The following PIEZO2 variants were observed in gnomAD, a reference collection of about 807,000 sequenced individuals.
The protein encoded by PIEZO2 is piezo-type mechanosensitive ion channel component 2.
PIEZO2 carries 172 observed loss-of-function variants against 337.3 expected under a neutral mutation model. The observed-to-expected ratio is 0.51, with a 90% CI of 0.45 to 0.58. The LOEUF (loss-of-function observed/expected upper bound fraction) is 0.58. PIEZO2 is among the 20% of genes least tolerant of loss of function. The pLI, the probability that PIEZO2 is intolerant of heterozygous loss-of-function variation, is 0.00. For synonymous variants in PIEZO2, 1,251 were observed against 1,228.5 expected (o/e 1.02, Z -0.38); for missense variants, 3,028 against 3,391.3 (o/e 0.89, Z 2.66).
At chr18:10,687,919 G>C (rs1336298623) in intron 49 of PIEZO2, among the ~76,000 whole-genome samples, 1 of 152,208 alleles carries the variant, frequency 6.6e-6, no homozygotes, top group African/African-American at 2.4e-5. Flanking sequence ...ATCCAGTGGA[G>C]CCCAGCCCAC....
chr18:10,857,609 G>A (rs372967468), intron 5 of PIEZO2, among the ~76,000 whole-genome samples: 91 of 152,300 alleles, frequency 6.0e-4, no homozygotes, highest in African/African-American at 2.1e-3. Context: ...CCACAGCTTC[G>A]ACTGAAAGGT....
chr18:10,889,288 A>G (rs1193753468), intron 4 of PIEZO2, among the ~76,000 whole-genome samples: 1 of 152,206 alleles, frequency 6.6e-6, no homozygotes, highest in Non-Finnish European at 1.5e-5. Context: ...AAGATAAGGA[A>G]AATAGCAGCA....
At chr18:10,700,808 G>A (rs1156571951) in intron 43 of PIEZO2, among the ~76,000 whole-genome samples, 1 of 152,166 alleles carries the variant, frequency 6.6e-6, no homozygotes, top group Non-Finnish European at 1.5e-5. Context: ...TCCAACAGAA[G>A]AACTGTAAGA....
At chr18:11,120,779 A>G (rs535347976) in intron 1 of PIEZO2, among the ~76,000 whole-genome samples, 59 of 152,366 alleles carry the variant, frequency 3.9e-4, no homozygotes, top group African/African-American at 1.4e-3. Context: ...TTGAATACCT[A>G]ACTATGCAAG....
intron 36 of PIEZO2, among the ~76,000 whole-genome samples, chr18:10,719,713 T>C (rs1367149488): frequency 2.0e-5 from 3 of 152,232 alleles, no homozygotes; most frequent in Admixed American, 2.0e-4. Flanking sequence ...TGAATATATA[T>C]GTAGTAGTGG....
chr18:10,807,048 T>C (rs969623325), intron 8 of PIEZO2, 64 bp downstream of exon 8: 1 of 1,433,530 alleles, frequency 7.0e-7, no homozygotes, highest in African/African-American at 1.4e-5. Context: ...CAGGAGTGAA[T>C]CATTTCACGT....
At chr18:10,978,777 C>G (rs2034547971) in intron 3 of PIEZO2, among the ~76,000 whole-genome samples, 3 of 152,162 alleles carry the variant, frequency 2.0e-5, no homozygotes, top group Admixed American at 2.0e-4. Flanking sequence ...TTATTACAGT[C>G]TATTTCAAAT....
rs541876174 is a variant in PIEZO2 at position 11,034,449 on chromosome 18, C to T, written c.160+31678G>A. On this transcript the variant is annotated intron_variant, in intron 2 of 55. Transcript: ENST00000674853. ...CTGGGACTACAGGCGCCCGCCACCA[C>T]GCCAGGCTAATTTTTTTGTATTTTT... Among the ~76,000 whole-genome samples, 268 of 152,140 alleles carry T rather than the reference C, an allele frequency of 1.8e-3. 1 individual carries two copies. The highest frequency in any genetic ancestry group is 3.1e-3 in the Non-Finnish European group (210 of 68,002).
intron 3 of PIEZO2, among the ~76,000 whole-genome samples, chr18:10,967,011 GTTTTTTGTTTTTTTT>G (rs1183288142): frequency 9.1e-6 from 1 of 109,392 alleles, no homozygotes; most frequent in Admixed American, 9.3e-5. Flanking sequence ...CATTTTCTCT[GTTTTTTGTTTTTTTT>G]TTTTTTTTTG....
chr18:10,748,209 C>T lies in PIEZO2; in HGVS notation c.4424+262G>A, dbSNP rs1346513157. On this transcript the variant is annotated intron_variant, in intron 30 of 55. Transcript: ENST00000674853. The surrounding 1 kb of genome is among the most constrained non-coding windows in gnomAD (Gnocchi z 5.1). ...GCCACTTCTAGAGAAGTGGTGGATT[C>T]TGCAAGGGCTTCAATTGACCAGTGA... Among the ~76,000 whole-genome samples the T allele has an allele frequency of 6.6e-6, 1 of 152,182 alleles. No homozygotes were observed. Among genetic ancestry groups the T allele is most frequent in the Non-Finnish European group, 1.5e-5 (1 of 68,018 alleles).
rs1420655820 is a variant in PIEZO2, at chr18:10,856,704, G to A, written c.703+297C>T. On this transcript the variant is annotated intron_variant, in intron 6 of 55. Coordinates refer to ENST00000674853, the MANE Select transcript of PIEZO2 (RefSeq NM_001378183.1). This position sits in a 1 kb window ranked among gnomAD's most constrained non-coding sequence, Gnocchi z 4.7. ...CAGGTCACCATTCCAAAGCTCTAAG[G>A]AAGAGGATTGTTGTTATTCTAATCT... is the stretch of plus-strand genomic sequence containing the variant. 2.0e-5 allele frequency among the ~76,000 whole-genome samples: 3 copies of A among 152,330 alleles called. No individual in the cohort carries two copies. In the South Asian group the frequency reaches 6.2e-4, roughly 32 times the overall value.
chr18:11,052,818 G>T (rs947382091), intron 2 of PIEZO2, among the ~76,000 whole-genome samples: 1 of 152,190 alleles, frequency 6.6e-6, no homozygotes, highest in Non-Finnish European at 1.5e-5. Flanking sequence ...GGTATGTGAT[G>T]ATCTATCTGC....
intron 3 of PIEZO2, among the ~76,000 whole-genome samples, chr18:10,965,931 T>G (rs182967076): frequency 3.3e-5 from 5 of 152,280 alleles, no homozygotes; most frequent in African/African-American, 1.2e-4. Context: ...ATACTTGACT[T>G]TTTTTACCAA....
At chr18:11,145,332 C>G (rs2040782295) in intron 1 of PIEZO2, among the ~76,000 whole-genome samples, 1 of 148,808 alleles carries the variant, frequency 6.7e-6, no homozygotes, top group Non-Finnish European at 1.5e-5. Flanking sequence ...CTTATCACTT[C>G]TCTTAAAATT....
At chr18:10,990,516 A>G (rs1302521578) in intron 2 of PIEZO2, among the ~76,000 whole-genome samples, 2 of 152,102 alleles carry the variant, frequency 1.3e-5, no homozygotes, top group African/African-American at 2.4e-5. Flanking sequence ...GCTTTGGGGT[A>G]TTAATCAGAC....
At position 10,676,309 on chromosome 18, in the gene PIEZO2, A is replaced by G. The variant is rs1268199872; in HGVS notation, c.8082-1021T>C. Among the ~76,000 whole-genome samples, 1 of 152,156 alleles carries G rather than the reference A, an allele frequency of 6.6e-6. No homozygotes were observed. Among genetic ancestry groups the G allele is most frequent in the Non-Finnish European group, 1.5e-5 (1 of 68,032 alleles). ...TGCACCCTGGTGATCCATATATTCC[A>G]TGCATTACAATGGGGCCAGGGCAGT... On this transcript the variant is annotated intron_variant, in intron 53 of 55. Coordinates refer to ENST00000674853, the MANE Select transcript of PIEZO2 (RefSeq NM_001378183.1). The surrounding 1 kb of genome is among the most constrained non-coding windows in gnomAD (Gnocchi z 5.1).
At position 10,783,496 on chromosome 18, in the gene PIEZO2, G is replaced by T. The variant is rs1389794670; in HGVS notation, c.2492+1288C>A. On this transcript the variant is annotated intron_variant, in intron 17 of 55. Coordinates refer to ENST00000674853, the MANE Select transcript of PIEZO2 (RefSeq NM_001378183.1). The surrounding 1 kb of genome is among the most constrained non-coding windows in gnomAD (Gnocchi z 4.3). The stretch of plus-strand genomic sequence containing the variant: ...TTGTCTATGACTGATATCTTCTAGG[G>T]TTCCCCAAACTTCTAATAACTACTT... 2.0e-5 allele frequency among the ~76,000 whole-genome samples: 3 copies of T among 152,096 alleles called. No homozygotes were observed. The highest frequency in any genetic ancestry group is 7.2e-5 in the African/African-American group (3 of 41,406).
chr18:10,907,798 T>A (rs2030092416), intron 4 of PIEZO2, among the ~76,000 whole-genome samples: 1 of 152,180 alleles, frequency 6.6e-6, no homozygotes, highest in East Asian at 1.9e-4. Context: ...GCTTAGAAAA[T>A]CTGCACAGAA....
Position 11,077,255 on chromosome 18 carries a change from C to T in PIEZO2, c.65-11033G>A, listed in dbSNP as rs762213411. ...AAGAAAAGGTCAAATATTAAAACTG[C>T]TTATTAGCCTGCTCATCTTAGTGGC... is the stretch of plus-strand genomic sequence containing the variant. On this transcript the variant is annotated intron_variant, in intron 1 of 55. Transcript: ENST00000674853. This position sits in a 1 kb window ranked among gnomAD's most constrained non-coding sequence, Gnocchi z 4.8. Among the ~76,000 whole-genome samples, 2 of 152,146 alleles carry T rather than the reference C, an allele frequency of 1.3e-5. No individual in the cohort carries two copies. The highest frequency in any genetic ancestry group is 2.9e-5 in the Non-Finnish European group (2 of 68,030).
Sources: allele counts gnomAD v4.1 joint callset (sites outside exome capture counted in the v4.1 genomes callset), GRCh38; gene constraint gnomAD v4.1.1; non-coding constraint Gnocchi (gnomAD v3.1); transcripts MANE v1.5; gene names NCBI Gene and HGNC (gene_info 2026-07-23, HGNC 2026-07-21).